NF1: variants seen among roughly 807,000 people sequenced by gnomAD.
The protein encoded by NF1 is neurofibromin.
Under a neutral mutation model 325.7 loss-of-function variants are expected in NF1, and 122 were observed. That is an observed-to-expected ratio of 0.37 (90% CI 0.32 to 0.44). The LOEUF is 0.44. Among genes scored for constraint, NF1 ranks in the 20% least tolerant of loss-of-function variants. NF1 has a pLI of 1.00. For missense variants in NF1, 2,140 were observed against 3,415.4 expected (o/e 0.63, Z 9.31); for synonymous variants, 1,091 against 1,186.0 (o/e 0.92, Z 1.65).
intron 36 of NF1, chr17:31,295,552 A>C: frequency 6.2e-7 from 1 of 1,614,124 alleles, no homozygotes; most frequent in Non-Finnish European, 8.5e-7. Context: ...GTTCCTTTAA[A>C]GATGATATTT....
chr17:31,230,156 T>C (rs2151431182), intron 22 of NF1, 104 bp from the exon 23 acceptor site: 2 of 1,455,670 alleles, frequency 1.4e-6, no homozygotes, highest in Non-Finnish European at 1.9e-6. Context: ...CTTATTGTTT[T>C]CAAACTTACA....
chr17:31,242,748 G>T (rs1034245010), intron 29 of NF1, among the ~76,000 whole-genome samples: 2 of 152,096 alleles, frequency 1.3e-5, no homozygotes, highest in African/African-American at 4.8e-5. Flanking sequence ...TGACTCCTCG[G>T]TCTGAGAGGT....
intron 1 of NF1, among the ~76,000 whole-genome samples, chr17:31,113,988 A>G (rs139579269): frequency 1.3e-5 from 2 of 152,182 alleles, no homozygotes; most frequent in African/African-American, 4.8e-5. Context: ...TGTGTTAATT[A>G]TGCCTCAAAT....
chr17:31,304,915 A>G, intron 36 of NF1: 1 of 1,614,140 alleles, frequency 6.2e-7, no homozygotes, highest in Non-Finnish European at 8.5e-7. Flanking sequence ...ATCATTTAAA[A>G]CTGGTTTCCT....
At chr17:31,176,550 G>A (rs906515852) in intron 5 of NF1, among the ~76,000 whole-genome samples, 2 of 152,154 alleles carry the variant, frequency 1.3e-5, no homozygotes, top group African/African-American at 4.8e-5. Context: ...TGTTGTCATT[G>A]CTTTTGGTGT....
intron 27 of NF1, 79 bp from the exon 28 acceptor site, chr17:31,235,532 A>C: frequency 6.5e-7 from 1 of 1,544,726 alleles, no homozygotes. Context: ...TTGGGTTTAC[A>C]TTTTTGCTAC....
chr17:31,310,141 G>T (rs2068830153), intron 36 of NF1, among the ~76,000 whole-genome samples: 1 of 152,154 alleles, frequency 6.6e-6, no homozygotes, highest in Admixed American at 6.6e-5. Context: ...TATGTAAGTG[G>T]TGTGTACCTG....
chr17:31,329,206 A>C (rs1171492876), intron 38 of NF1, among the ~76,000 whole-genome samples: 1 of 152,264 alleles, frequency 6.6e-6, no homozygotes, highest in African/African-American at 2.4e-5. Context: ...ATATGTAAAC[A>C]GAAATAATAA....
rs1453397750 is a variant in NF1, at chr17:31,375,444, GA to G, written c.*1291del. The G allele has an allele frequency of 4.3e-6, 1 of 231,688 alleles. No homozygotes were observed. Among genetic ancestry groups the G allele is most frequent in the Non-Finnish European group, 8.6e-6 (1 of 116,942 alleles). 14.4% of individuals were successfully genotyped at this position (231,688 alleles called of 1,614,324 possible). On this transcript the variant is annotated 3_prime_UTR_variant, in exon 58 of 58. Coordinates refer to ENST00000358273, the MANE Select transcript of NF1 (RefSeq NM_001042492.3). ...GGTGGTATGGATTATCATGGCATTGGAATTTTCATAGTAATGCAGATCCAAT... is the reference window on the plus strand; with the variant it reads ...GGTGGTATGGATTATCATGGCATTGGATTTTCATAGTAATGCAGATCCAAT...
intron 8 of NF1, among the ~76,000 whole-genome samples, chr17:31,186,983 A>G (rs1463714179): frequency 6.6e-6 from 1 of 152,192 alleles, no homozygotes; most frequent in African/African-American, 2.4e-5. Context: ...TCCATCACGG[A>G]AAGGGCAGAG....
At chr17:31,263,576 T>G (rs1367343116) in intron 35 of NF1, among the ~76,000 whole-genome samples, 1 of 151,202 alleles carries the variant, frequency 6.6e-6, no homozygotes, top group African/African-American at 2.4e-5. Flanking sequence ...TCTAGAAAAA[T>G]ATTTTTATTA....
At chr17:31,366,513 G>A (rs1463571776) in intron 57 of NF1, among the ~76,000 whole-genome samples, 4 of 152,096 alleles carry the variant, frequency 2.6e-5, no homozygotes, top group African/African-American at 7.2e-5. Flanking sequence ...CTCTGTGTAC[G>A]GAGGGATATT....
chr17:31,333,248 AT>A (rs1490865580), intron 39 of NF1, among the ~76,000 whole-genome samples: 1 of 152,234 alleles, frequency 6.6e-6, no homozygotes, highest in Admixed American at 6.5e-5. Context: ...CCTTAAGACT[AT>A]TCATACCTTT....
intron 55 of NF1, 154 bp downstream of exon 55, chr17:31,358,776 AATGT>A (rs990794161): frequency 8.6e-7 from 1 of 1,161,288 alleles, no homozygotes; most frequent in African/African-American, 1.5e-5. Flanking sequence ...CTGTATGTCC[AATGT>A]AACTGGTTGA....
intron 1 of NF1, among the ~76,000 whole-genome samples, chr17:31,133,939 G>T (rs981384473): frequency 6.6e-6 from 1 of 152,218 alleles, no homozygotes; most frequent in Non-Finnish European, 1.5e-5. Flanking sequence ...TTACAGGCAT[G>T]AGCCACTGCG....
chr17:31,096,684 C>A (rs541893898), intron 1 of NF1, among the ~76,000 whole-genome samples: 1 of 152,222 alleles, frequency 6.6e-6, no homozygotes, highest in Admixed American at 6.5e-5. Context: ...ATAAACATTT[C>A]TTTACGGGAC....
chr17:31,114,941 C>A (rs1188489019), intron 1 of NF1, among the ~76,000 whole-genome samples: 1 of 152,154 alleles, frequency 6.6e-6, no homozygotes, highest in Non-Finnish European at 1.5e-5. Flanking sequence ...TTAAGTTTTG[C>A]TCTTATATAT....
At chr17:31,287,807 G>A (rs1036903775) in intron 36 of NF1, among the ~76,000 whole-genome samples, 1 of 151,716 alleles carries the variant, frequency 6.6e-6, no homozygotes, top group Admixed American at 6.6e-5. Flanking sequence ...CCAGTGTGCT[G>A]GGATTACAGG....
chr17:31,137,243 CA>C (rs1915848322), intron 1 of NF1: 1 of 152,106 alleles, frequency 6.6e-6, no homozygotes, highest in Non-Finnish European at 1.5e-5. Context: ...TCTAAAAAGC[CA>C]TTACCTTCTC....
Sources: allele counts gnomAD v4.1 joint callset (sites outside exome capture counted in the v4.1 genomes callset), GRCh38; gene constraint gnomAD v4.1.1; transcripts MANE v1.5; gene names NCBI Gene and HGNC (gene_info 2026-07-23, HGNC 2026-07-21).